Variants in TBC1D22A observed in about 807,000 individuals in gnomAD.
The protein encoded by TBC1D22A is putative GTPase activator.
TBC1D22A carries 38 observed loss-of-function variants against 60.2 expected under a neutral mutation model. The ratio of observed to expected loss-of-function variants is 0.63; its 90% CI spans 0.49 to 0.83. The LOEUF (loss-of-function observed/expected upper bound fraction) is 0.83. TBC1D22A is among the 40% of genes least tolerant of loss of function. The pLI, the probability that TBC1D22A is intolerant of heterozygous loss-of-function variation, is 0.00. For missense variants in TBC1D22A, 628 were observed against 701.0 expected (o/e 0.90, Z 1.18); for synonymous variants, 302 against 281.7 (o/e 1.07, Z -0.72).
chr22:46,954,058 G>C (rs750151424), intron 8 of TBC1D22A, among the ~76,000 whole-genome samples: 1 of 152,170 alleles, frequency 6.6e-6, no homozygotes, highest in Non-Finnish European at 1.5e-5. Flanking sequence ...GAAGGTCGAG[G>C]ATCAGGTCAC....
intron 11 of TBC1D22A, among the ~76,000 whole-genome samples, chr22:47,040,563 C>T (rs1472504350): frequency 5.7e-5 from 7 of 123,638 alleles, no homozygotes; most frequent in Non-Finnish European, 8.3e-5. Context: ...GAGGGAAGCT[C>T]GGATGGGGGG....
intron 4 of TBC1D22A, among the ~76,000 whole-genome samples, chr22:46,807,052 T>G (rs1163591108): frequency 6.6e-6 from 1 of 152,256 alleles, no homozygotes; most frequent in African/African-American, 2.4e-5. Flanking sequence ...CGCAGATTCT[T>G]CCTGCTCAAC....
At chr22:47,048,927 G>A (rs4486) in intron 11 of TBC1D22A, among the ~76,000 whole-genome samples, 1 of 151,874 alleles carries the variant, frequency 6.6e-6, no homozygotes, top group Non-Finnish European at 1.5e-5. Context: ...GTCTGGTGTA[G>A]CGTGGTAATG....
chr22:47,122,944 G>A (rs1209312136), intron 12 of TBC1D22A, among the ~76,000 whole-genome samples: 9 of 152,202 alleles, frequency 5.9e-5, no homozygotes, highest in Non-Finnish European at 1.2e-4. Flanking sequence ...GGTAATTAAA[G>A]GTTGCTTTAA....
chr22:46,904,142 T>TCTATCTATCTATCTATCTATCTGCCTAC (rs57116517), intron 7 of TBC1D22A, among the ~76,000 whole-genome samples: 70 of 134,574 alleles, frequency 5.2e-4, no homozygotes, highest in Non-Finnish European at 8.6e-4. Context: ...TATCTATCTA[T>TCTATCTATCTATCTATCTATCTGCCTAC]CTACCTACCT....
intron 12 of TBC1D22A, among the ~76,000 whole-genome samples, chr22:47,130,977 A>G (rs936022242): frequency 6.6e-6 from 1 of 152,184 alleles, no homozygotes; most frequent in Non-Finnish European, 1.5e-5. Context: ...AGGCTTCAGG[A>G]AGCTTTTCCT....
intron 11 of TBC1D22A, among the ~76,000 whole-genome samples, chr22:47,074,894 C>T (rs2064140384): frequency 6.6e-6 from 1 of 152,188 alleles, no homozygotes; most frequent in Non-Finnish European, 1.5e-5. Flanking sequence ...AGGCCCAGAC[C>T]TCCTGGGTTA....
chr22:46,770,314 G>A (rs1386049491), intron 1 of TBC1D22A, among the ~76,000 whole-genome samples: 1 of 152,242 alleles, frequency 6.6e-6, no homozygotes, highest in Non-Finnish European at 1.5e-5. Context: ...GCCGCCAACC[G>A]GAGTGAGCAG....
At chr22:47,167,721 A>T (rs1447673502) in intron 12 of TBC1D22A, among the ~76,000 whole-genome samples, 1 of 152,196 alleles carries the variant, frequency 6.6e-6, no homozygotes, top group Non-Finnish European at 1.5e-5. Flanking sequence ...GGGGGAGTGC[A>T]TGCTGATAGG....
intron 10 of TBC1D22A, among the ~76,000 whole-genome samples, chr22:47,031,472 G>A (rs968635972): frequency 1.3e-5 from 2 of 152,268 alleles, no homozygotes; most frequent in African/African-American, 4.8e-5. Flanking sequence ...GTGCCTGTGA[G>A]GTTAACGCTG....
At chr22:46,768,654 C>T (rs1031172478) in intron 1 of TBC1D22A, among the ~76,000 whole-genome samples, 1 of 152,146 alleles carries the variant, frequency 6.6e-6, no homozygotes, top group African/African-American at 2.4e-5. Flanking sequence ...AAGACAAAAT[C>T]ACAGCACACT....
chr22:46,936,316 C>T (rs1246446281), intron 8 of TBC1D22A, among the ~76,000 whole-genome samples: 1 of 151,900 alleles, frequency 6.6e-6, no homozygotes, highest in Non-Finnish European at 1.5e-5. Flanking sequence ...GGCCAGGCTC[C>T]TCGCAGTTCT....
At chr22:46,792,711 A>T in intron 2 of TBC1D22A, 135 bp downstream of exon 2, 1 of 1,580,078 alleles carries the variant, frequency 6.3e-7, no homozygotes, top group Non-Finnish European at 8.6e-7. Flanking sequence ...AGCCACACTG[A>T]TCAAGCAGTC....
intron 12 of TBC1D22A, among the ~76,000 whole-genome samples, chr22:47,158,606 G>A (rs960126269): frequency 6.6e-6 from 1 of 152,134 alleles, no homozygotes; most frequent in South Asian, 2.1e-4. Context: ...GAGGAGGGCC[G>A]GGAGCCCAAC....
At chr22:46,831,289 A>G (rs527767511) in intron 4 of TBC1D22A, among the ~76,000 whole-genome samples, 368 of 152,020 alleles carry the variant, frequency 2.4e-3, no homozygotes, top group African/African-American at 8.2e-3. Context: ...CTCCTGTTGG[A>G]TTTCCAGCAA....
At chr22:47,126,941 T>C (rs1457366357) in intron 12 of TBC1D22A, among the ~76,000 whole-genome samples, 2 of 152,178 alleles carry the variant, frequency 1.3e-5, no homozygotes, top group African/African-American at 4.8e-5. Flanking sequence ...GGTGAGATGA[T>C]GGACGGAGGA....
At chr22:47,083,142 A>T (rs2064538618) in intron 11 of TBC1D22A, among the ~76,000 whole-genome samples, 1 of 152,164 alleles carries the variant, frequency 6.6e-6, no homozygotes, top group Non-Finnish European at 1.5e-5. Context: ...AGAAATCAAA[A>T]TGGTGGTTTC....
chr22:46,876,450 C>T (rs891913439), intron 4 of TBC1D22A, among the ~76,000 whole-genome samples: 80 of 152,144 alleles, frequency 5.3e-4, no homozygotes, highest in Admixed American at 3.3e-4. Context: ...TTTGAATGTT[C>T]CTGTATTTGG....
At chr22:47,157,243 C>T (rs1301444030) in intron 12 of TBC1D22A, among the ~76,000 whole-genome samples, 2 of 152,218 alleles carry the variant, frequency 1.3e-5, no homozygotes, top group African/African-American at 2.4e-5. Context: ...GCGGCTCCTC[C>T]CACCTGGAGA....
Sources: gnomAD v4.1 joint callset for allele counts (sites outside exome capture counted in the v4.1 genomes callset) on GRCh38, gnomAD v4.1.1 for gene constraint, MANE v1.5 for transcripts, NCBI Gene and HGNC (gene_info 2026-07-23, HGNC 2026-07-21) for gene names.